OTC: variants seen among roughly 807,000 people sequenced by gnomAD.
OTC encodes ornithine transcarbamylase, also known as ornithine transcarbamylase, mitochondrial.
OTC carries 3 observed loss-of-function variants against 30.3 expected under a neutral mutation model. That is an observed-to-expected ratio of 0.10 (90% CI 0.05 to 0.26). OTC has a LOEUF of 0.26. Ranked by LOEUF, OTC falls within the 10% of genes least tolerant of loss-of-function variation. OTC has a pLI of 1.00. For synonymous variants in OTC, 111 were observed against 99.7 expected, an observed-to-expected ratio of 1.11 and a Z score of -0.67; for missense variants, 194 against 260.3, an observed-to-expected ratio of 0.75 and a Z score of 1.75.
At chrX:38,335,987 A>C in the OTC span, among the ~76,000 whole-genome samples, 1 of 111,425 alleles carries the variant, frequency 9.0e-6, no homozygotes, top group Non-Finnish European at 1.9e-5. Flanking sequence ...AAAGTTAACC[A>C]GAAAAGAAAT....
chrX:38,355,840 C>T lies in OTC; in HGVS notation c.77+3067C>T, dbSNP rs147117530. 4.9e-3 allele frequency among the ~76,000 whole-genome samples: 543 copies of T among 111,447 alleles called. 5 individuals carry two copies. Among genetic ancestry groups the T allele is most frequent in the African/African-American group, 0.017 (507 of 30,652 alleles). On this transcript the variant is annotated intron_variant, in intron 1 of 9. Transcript: ENST00000039007. ...TCACCTGAGGTCAGGAGTTCCAGAC[C>T]AGTTTGGCCAGCATGGCAAAACCCT...
the OTC span, among the ~76,000 whole-genome samples, chrX:38,338,674 A>T: frequency 5.3e-5 from 6 of 112,528 alleles, no homozygotes; most frequent in East Asian, 1.7e-3. Context: ...TTGAAAAATT[A>T]GGTAGAAGGC....
chrX:38,337,929 A>G, the OTC span, among the ~76,000 whole-genome samples: 8 of 111,636 alleles, frequency 7.2e-5, no homozygotes, highest in South Asian at 2.7e-3. Flanking sequence ...TCAGGTTAAA[A>G]AAAAAAGCAT....
chrX:38,409,022 G>T lies in OTC; in HGVS notation c.864G>T (p.Met288Ile). 3 of 1,211,067 alleles carry T rather than the reference G, an allele frequency of 2.5e-6. No individual in the cohort carries two copies. The highest frequency in any genetic ancestry group is 3.4e-6 in the Non-Finnish European group (3 of 894,904). The change falls in exon 8 of 10, where the codon ATG becomes ATT. Residue 288 changes from methionine to isoleucine, a missense_variant. Met to Ile is a conservative substitution (Grantham distance 10). Coordinates refer to ENST00000039007, the MANE Select transcript of OTC (RefSeq NM_000531.6). ...CTTTCCAAGGTTACCAGGTTACAAT[G>T]AAGGTACAAATTGATGCCTCTCTGA... ...LQAFQGYQVT[M>I]KTAKVAASDW... is the part of the protein sequence containing the mutation.
At chrX:38,333,215 C>CA in the OTC span, among the ~76,000 whole-genome samples, 5,168 of 47,015 alleles carry the variant, frequency 0.11, 253 homozygotes, top group African/African-American at 0.18. Flanking sequence ...AACTCTGTCT[C>CA]AAAAAAAAAA....
downstream of OTC, among the ~76,000 whole-genome samples, chrX:38,422,290 G>A (rs1429910754): frequency 8.9e-6 from 1 of 111,785 alleles, no homozygotes; most frequent in Non-Finnish European, 1.9e-5. Flanking sequence ...GGGGGAAAGA[G>A]GCTCATAATG....
chrX:38,377,549 A>G (rs2068354652), intron 3 of OTC, among the ~76,000 whole-genome samples: 2 of 112,197 alleles, frequency 1.8e-5, no homozygotes, highest in Non-Finnish European at 3.8e-5. Context: ...ACACTTTCAA[A>G]ACATAGGAAG....
intron 3 of OTC, 82 bp downstream of exon 3, chrX:38,369,959 A>G: frequency 1.6e-6 from 1 of 626,287 alleles, no homozygotes; most frequent in Non-Finnish European, 2.7e-6. Flanking sequence ...CAGTGCGGGG[A>G]TTTGTCTGCC....
intron 6 of OTC, among the ~76,000 whole-genome samples, chrX:38,404,878 C>A (rs1301922837): frequency 1.8e-5 from 2 of 111,634 alleles, no homozygotes; most frequent in Admixed American, 1.9e-4. Flanking sequence ...TTTGGTCACC[C>A]TAGTCCCATG....
chrX:38,339,966 A>G, the OTC span, among the ~76,000 whole-genome samples: 28 of 112,303 alleles, frequency 2.5e-4, no homozygotes, highest in Non-Finnish European at 4.5e-4. Flanking sequence ...AAAAAAGCAG[A>G]TAAGCAAATA....
intron 4 of OTC, among the ~76,000 whole-genome samples, chrX:38,391,548 G>C (rs1040048956): frequency 1.5e-4 from 17 of 111,495 alleles, no homozygotes; most frequent in African/African-American, 5.2e-4. Flanking sequence ...TCTTCTCATT[G>C]TTCTCCCATT....
At chrX:38,399,738 C>G (rs971951066) in intron 4 of OTC, among the ~76,000 whole-genome samples, 20 of 111,289 alleles carry the variant, frequency 1.8e-4, no homozygotes, top group African/African-American at 6.2e-4. Context: ...CAGAGCAAGA[C>G]TCCAACTCAA....
intron 4 of OTC, among the ~76,000 whole-genome samples, chrX:38,396,724 G>A (rs182815149): frequency 2.0e-3 from 223 of 111,006 alleles, no homozygotes; most frequent in African/African-American, 6.9e-3. Context: ...AGTGAGCCGA[G>A]ATCATGCCAC....
At position 38,382,193 on chromosome X, in the gene OTC, A is replaced by G. The variant is rs775928772; in HGVS notation, c.386+764A>G. ...TTCCACTTATATTTCATTAGGAAGT[A>G]CTAGTAGCTCACTCCCATCTAGATG... On this transcript the variant is annotated intron_variant, in intron 4 of 9. Transcript: ENST00000039007. Among the ~76,000 whole-genome samples, 4 of 111,952 alleles carry G rather than the reference A, an allele frequency of 3.6e-5. No homozygotes were observed. In the East Asian group the frequency reaches 1.1e-3, roughly 31 times the overall value.
the OTC span, among the ~76,000 whole-genome samples, chrX:38,337,394 A>G: frequency 8.9e-6 from 1 of 112,403 alleles, no homozygotes; most frequent in Non-Finnish European, 1.9e-5. Flanking sequence ...ACAAGGGACA[A>G]CAAATATTCT....
At chrX:38,356,718 A>G (rs1172596791) in intron 1 of OTC, among the ~76,000 whole-genome samples, 1 of 110,779 alleles carries the variant, frequency 9.0e-6, no homozygotes, top group Non-Finnish European at 1.9e-5. Flanking sequence ...AGTCCTGTTC[A>G]TCAGCCTACA....
intron 1 of OTC, among the ~76,000 whole-genome samples, chrX:38,362,364 T>A (rs1419219342): frequency 9.0e-6 from 1 of 111,702 alleles, no homozygotes; most frequent in Admixed American, 9.6e-5. Flanking sequence ...GAAGGTTATC[T>A]GCTAACATTT....
intron 4 of OTC, among the ~76,000 whole-genome samples, chrX:38,397,265 C>A (rs1181971725): frequency 9.0e-6 from 1 of 111,632 alleles, no homozygotes; most frequent in African/African-American, 3.3e-5. Flanking sequence ...ATTTCATGAT[C>A]TTTATTACTA....
At chrX:38,332,605 A>T in the OTC span, among the ~76,000 whole-genome samples, 1 of 102,906 alleles carries the variant, frequency 9.7e-6, no homozygotes. Flanking sequence ...CAAAACTTAT[A>T]GCTTGGTGCC....
Sources: allele counts gnomAD v4.1 joint callset (sites outside exome capture counted in the v4.1 genomes callset), GRCh38; gene constraint gnomAD v4.1.1; transcripts MANE v1.5; gene names NCBI Gene and HGNC (gene_info 2026-07-23, HGNC 2026-07-21).